TTC17: variants seen among roughly 807,000 people sequenced by gnomAD.
TTC17 encodes the protein tetratricopeptide repeat domain 17, also known as tetratricopeptide repeat protein 17.
A neutral mutation model predicts 143.8 loss-of-function variants in TTC17; 58 were observed. The observed-to-expected ratio is 0.40, with a 90% CI of 0.33 to 0.50. The LOEUF (loss-of-function observed/expected upper bound fraction) is 0.50. Ranked by LOEUF, TTC17 falls within the 20% of genes least tolerant of loss-of-function variation. The pLI is 0.49. For missense variants in TTC17, 1,273 were observed against 1,392.5 expected, an observed-to-expected ratio of 0.91 and a Z score of 1.37; for synonymous variants, 501 against 497.8, an observed-to-expected ratio of 1.01 and a Z score of -0.09.
At chr11:43,490,163 G>A in intron 21 of TTC17, 76 bp from the exon 22 acceptor site, 1 of 1,537,930 alleles carries the variant, frequency 6.5e-7, no homozygotes, top group Non-Finnish European at 8.8e-7. Context: ...CATGACTTGT[G>A]TTACTGAACT....
chr11:43,414,496 C>A, intron 15 of TTC17, 94 bp from the exon 16 acceptor site: 1 of 1,362,328 alleles, frequency 7.3e-7, no homozygotes, highest in Non-Finnish European at 9.9e-7. Context: ...ATGGGGTAAC[C>A]TAAAAAGAGC....
At chr11:43,379,448 AC>A in intron 2 of TTC17, 126 bp downstream of exon 2, 7 of 721,454 alleles carry the variant, frequency 9.7e-6, no homozygotes, top group Non-Finnish European at 1.6e-5. Context: ...GCGGGAATAT[AC>A]TACCTGCAAT....
chr11:43,417,481 G>A (rs183495409), intron 16 of TTC17, among the ~76,000 whole-genome samples: 41 of 152,230 alleles, frequency 2.7e-4, no homozygotes, highest in Admixed American at 2.5e-3. Context: ...CAAGGCTTAC[G>A]ATTCTTTTTC....
intron 21 of TTC17, among the ~76,000 whole-genome samples, chr11:43,451,693 T>C (rs1355674137): frequency 6.6e-6 from 1 of 152,248 alleles, no homozygotes; most frequent in Admixed American, 6.5e-5. Flanking sequence ...AATTGCATTT[T>C]CGTAGAGCCT....
intron 7 of TTC17, 49 bp downstream of exon 7, chr11:43,397,540 T>C: frequency 7.9e-7 from 1 of 1,265,240 alleles, no homozygotes. Context: ...CCACTTTCTT[T>C]TTTTTTTTTT....
intron 21 of TTC17, among the ~76,000 whole-genome samples, chr11:43,479,470 TA>T (rs1948246376): frequency 1.3e-5 from 2 of 152,322 alleles, no homozygotes; most frequent in African/African-American, 2.4e-5. Context: ...GCAAGCTTTG[TA>T]AAAAATTTAC....
intron 15 of TTC17, among the ~76,000 whole-genome samples, chr11:43,413,118 G>T (rs1488039350): frequency 6.6e-6 from 1 of 151,740 alleles, no homozygotes; most frequent in Non-Finnish European, 1.5e-5. Context: ...GTATGGTATT[G>T]GTACAAAGAT....
chr11:43,476,718 T>C (rs1166115798), intron 21 of TTC17, among the ~76,000 whole-genome samples: 2 of 152,220 alleles, frequency 1.3e-5, no homozygotes, highest in Non-Finnish European at 2.9e-5. Flanking sequence ...ACGGGGACCC[T>C]GGGCCCAGCC....
At chr11:43,444,578 T>A (rs1237940773) in intron 18 of TTC17, 1 of 159,912 alleles carries the variant, frequency 6.3e-6, no homozygotes, top group African/African-American at 2.4e-5. Flanking sequence ...AAAGTTTTTT[T>A]GTAGATTATT....
At chr11:43,430,145 G>A (rs185052397) in intron 16 of TTC17, among the ~76,000 whole-genome samples, 1 of 152,244 alleles carries the variant, frequency 6.6e-6, no homozygotes, top group East Asian at 1.9e-4. Context: ...AAACTAGAGG[G>A]GGCTGAGCAC....
At chr11:43,380,213 T>C (rs950658543) in intron 2 of TTC17, among the ~76,000 whole-genome samples, 1 of 152,188 alleles carries the variant, frequency 6.6e-6, no homozygotes, top group African/African-American at 2.4e-5. Context: ...AAACAAAAGC[T>C]GTATCTCTTG....
chr11:43,493,630 T>G, intron 23 of TTC17, 143 bp from the exon 24 acceptor site: 1 of 1,270,344 alleles, frequency 7.9e-7, no homozygotes, highest in Non-Finnish European at 1.1e-6. Flanking sequence ...AACCTCAGAG[T>G]TTTCCACAAA....
At chr11:43,406,622 A>G (rs962365853) in intron 13 of TTC17, among the ~76,000 whole-genome samples, 2 of 152,042 alleles carry the variant, frequency 1.3e-5, no homozygotes, top group Non-Finnish European at 2.9e-5. Flanking sequence ...CTTATATTCA[A>G]TAGACATTTC....
At chr11:43,397,903 TGTGTGTG>T in intron 7 of TTC17, 64 bp from the exon 8 acceptor site, 6 of 49,264 alleles carry the variant, frequency 1.2e-4, no homozygotes, top group Non-Finnish European at 1.6e-4. Context: ...TTTTTTTCCG[TGTGTGTG>T]TGTGTGTGTG....
intron 22 of TTC17, 94 bp downstream of exon 22, chr11:43,490,452 C>T: frequency 6.8e-7 from 1 of 1,469,450 alleles, no homozygotes; most frequent in Non-Finnish European, 9.1e-7. Context: ...CCCTCATGCT[C>T]AGCCAGTGAG....
chr11:43,427,680 T>C (rs1438755958), intron 16 of TTC17, among the ~76,000 whole-genome samples: 1 of 152,204 alleles, frequency 6.6e-6, no homozygotes, highest in African/African-American at 2.4e-5. Context: ...TAATGTGTAA[T>C]CAGACAATTT....
chr11:43,445,734 A>C (rs978728145), intron 18 of TTC17, among the ~76,000 whole-genome samples: 1 of 152,170 alleles, frequency 6.6e-6, no homozygotes, highest in Non-Finnish European at 1.5e-5. Context: ...AGATTCAAAA[A>C]CCCAATTTTC....
chr11:43,463,286 AT>A (rs1043251898), intron 21 of TTC17, among the ~76,000 whole-genome samples: 2 of 152,232 alleles, frequency 1.3e-5, no homozygotes, highest in African/African-American at 4.8e-5. Context: ...TGACTGAGCC[AT>A]AAAAAAGGCC....
rs774643589 is a variant in TTC17 at position 43,407,404 on chromosome 11, G to A, written c.1891G>A (p.Ala631Thr). 87 of 1,613,874 alleles carry A rather than the reference G, an allele frequency of 5.4e-5. No homozygotes were observed. The highest frequency in any genetic ancestry group is 4.9e-4 in the African/African-American group (37 of 74,932). The change falls in exon 15 of 24, where the codon GCA (alanine) becomes ACA (threonine). Residue 631 changes from alanine (A) to threonine (T), a missense_variant. By Grantham distance (58) the Ala-to-Thr change is moderately conservative (BLOSUM62 0). Coordinates refer to ENST00000039989, the MANE Select transcript of TTC17 (RefSeq NM_018259.6). ...ILNEAGLYWRAVGNSTFAIAC... is the reference protein window; with the variant it reads ...ILNEAGLYWRTVGNSTFAIAC... Reference sequence around the variant, plus strand: ...CAATGAAGCTGGACTATACTGGAGAGCAGTAGGAAATAGCACTTTTGCTAT... The same window carrying A: ...CAATGAAGCTGGACTATACTGGAGAACAGTAGGAAATAGCACTTTTGCTAT...
Sources: gnomAD v4.1 joint callset for allele counts (sites outside exome capture counted in the v4.1 genomes callset) on GRCh38, gnomAD v4.1.1 for gene constraint, MANE v1.5 for transcripts, NCBI Gene and HGNC (gene_info 2026-07-23, HGNC 2026-07-21) for gene names.